The following KALRN variants were observed in gnomAD, a reference collection of about 807,000 sequenced individuals.
The protein encoded by KALRN is kalirin.
A neutral mutation model predicts 353.7 loss-of-function variants in KALRN; 70 were observed. The ratio of observed to expected loss-of-function variants is 0.20; its 90% confidence interval spans 0.16 to 0.24. The LOEUF (loss-of-function observed/expected upper bound fraction) is 0.24. Ranked by LOEUF, KALRN falls within the 10% of genes least tolerant of loss-of-function variation. KALRN has a pLI of 1.00. For missense variants in KALRN, 2,791 were observed against 3,756.7 expected, an observed-to-expected ratio of 0.74 and a Z score of 6.72; for synonymous variants, 1,391 against 1,434.8, an observed-to-expected ratio of 0.97 and a Z score of 0.69.
intron 1 of KALRN, among the ~76,000 whole-genome samples, chr3:124,047,679 A>G (rs909419880): frequency 7.6e-6 from 1 of 131,920 alleles, no homozygotes; most frequent in Non-Finnish European, 1.7e-5. Flanking sequence ...ATTTTTTTTT[A>G]TTTTTAGTAG....
chr3:124,705,536 C>T (rs918228957), intron 57 of KALRN, among the ~76,000 whole-genome samples: 15 of 152,034 alleles, frequency 9.9e-5, no homozygotes, highest in Admixed American at 7.2e-4. Context: ...AGGAGCATCA[C>T]GTACCTCTGG....
intron 23 of KALRN, among the ~76,000 whole-genome samples, chr3:124,458,080 G>A (rs556229809): frequency 3.3e-5 from 5 of 151,846 alleles, no homozygotes; most frequent in Admixed American, 2.0e-4. Flanking sequence ...GTTCGAGACC[G>A]GCCTGGCCAA....
chr3:124,385,079 G>T (rs766019862), intron 11 of KALRN, 43 bp downstream of exon 11: 2 of 1,516,620 alleles, frequency 1.3e-6, no homozygotes, highest in South Asian at 2.7e-5. Context: ...TCCTGCCAGG[G>T]TCAGGTCGGC....
At chr3:124,636,592 G>A (rs2081373140) in intron 36 of KALRN, among the ~76,000 whole-genome samples, 1 of 152,180 alleles carries the variant, frequency 6.6e-6, no homozygotes, top group African/African-American at 2.4e-5. Context: ...GCTATGCTTT[G>A]TGGAGGGGTA....
intron 38 of KALRN, among the ~76,000 whole-genome samples, chr3:124,654,265 C>G (rs2059989308): frequency 1.3e-5 from 2 of 152,198 alleles, no homozygotes; most frequent in African/African-American, 4.8e-5. Flanking sequence ...GGAGAGGGAG[C>G]TGTTGGAAGT....
intron 5 of KALRN, among the ~76,000 whole-genome samples, chr3:124,278,174 G>GA (rs1344817488): frequency 6.6e-6 from 1 of 151,550 alleles, no homozygotes; most frequent in African/African-American, 2.4e-5. Flanking sequence ...GCAGTGCAGG[G>GA]AAAATCAGAG....
rs544865679 is a variant in KALRN, at chr3:124,664,360, T to C, written c.6346-2089T>C. 4.6e-3 allele frequency among the ~76,000 whole-genome samples: 566 copies of C among 123,874 alleles called. 2 individuals carry two copies. The highest frequency in any genetic ancestry group is 5.4e-3 in the Admixed American group (65 of 11,988). The allele number at this position is 123,874 out of a possible 152,430, so 81.3% of individuals were successfully genotyped here. On this transcript the variant is annotated intron_variant, in intron 45 of 59. Transcript: ENST00000682506. ...GTGTGTGTGTGTGTGTGTGTGTGTG[T>C]GTGTGTGTGTGCGCGCGCGCGCATA...
In KALRN at chr3:124,563,038, T is replaced by C; in HGVS notation, c.5131T>C (p.Ser1711Pro). 7.3e-7 allele frequency: 1 copy of C among 1,367,856 alleles called. No individual in the cohort carries two copies. Among genetic ancestry groups the C allele is most frequent in the Non-Finnish European group, 9.8e-7 (1 of 1,022,002 alleles). 84.7% of individuals were successfully genotyped at this position (1,367,856 alleles called of 1,614,324 possible). ...GLVPSSALCI[S>P]HSRSSVEMDC... Reference sequence around the variant, plus strand: ...GGTCCCCAGCAGCGCCCTGTGCATCTCACACTCCCGAAGCAGCGTGGAGAT... The same window carrying C: ...GGTCCCCAGCAGCGCCCTGTGCATCCCACACTCCCGAAGCAGCGTGGAGAT... The change falls in exon 34 of 60, where the codon TCA (serine) becomes CCA (proline). Residue 1711 changes from serine (S) to proline (P), a missense_variant. Around this residue, in one of 11 missense-constraint regions of KALRN, gnomAD observed 239 missense variants for 351.3 expected, o/e 0.68. Transcript: ENST00000682506.
intron 1 of KALRN, among the ~76,000 whole-genome samples, chr3:124,188,442 T>C (rs549122878): frequency 3.9e-5 from 6 of 152,324 alleles, no homozygotes; most frequent in African/African-American, 1.4e-4. Context: ...CAAAAGCTGC[T>C]ATCATTAATA....
intron 1 of KALRN, among the ~76,000 whole-genome samples, chr3:124,038,442 G>C (rs2039631363): frequency 6.6e-6 from 1 of 152,180 alleles, no homozygotes; most frequent in Non-Finnish European, 1.5e-5. Context: ...GTCACAGCAG[G>C]TTTGGAGGTG....
At chr3:124,569,395 G>A (rs545516108) in intron 34 of KALRN, among the ~76,000 whole-genome samples, 23 of 152,264 alleles carry the variant, frequency 1.5e-4, no homozygotes, top group African/African-American at 2.6e-4. Flanking sequence ...TGAGAATGCC[G>A]GGCAAGTTTG....
intron 1 of KALRN, among the ~76,000 whole-genome samples, chr3:124,061,525 C>T (rs114024637): frequency 0.027 from 4,050 of 152,240 alleles, 71 homozygotes; most frequent in Middle Eastern, 0.068. Flanking sequence ...TGCTTTGTTT[C>T]CTAATTCCAA....
intron 1 of KALRN, among the ~76,000 whole-genome samples, chr3:124,062,246 A>C (rs1356012917): frequency 6.6e-6 from 1 of 152,144 alleles, no homozygotes; most frequent in African/African-American, 2.4e-5. Context: ...TTTGAGCTTC[A>C]GTTTTTCTTC....
intron 57 of KALRN, among the ~76,000 whole-genome samples, chr3:124,706,192 C>T (rs984229760): frequency 5.9e-5 from 9 of 152,232 alleles, no homozygotes; most frequent in Admixed American, 1.3e-4. Flanking sequence ...CAGGCATAAT[C>T]CACCGTGCCT....
intron 33 of KALRN, among the ~76,000 whole-genome samples, chr3:124,500,710 G>A (rs2064417297): frequency 6.6e-6 from 1 of 152,242 alleles, no homozygotes; most frequent in Non-Finnish European, 1.5e-5. Flanking sequence ...TAATGCAAAA[G>A]TGGTAGTTCC....
chr3:124,190,576 G>C (rs1426339319), intron 1 of KALRN, among the ~76,000 whole-genome samples: 1 of 152,202 alleles, frequency 6.6e-6, no homozygotes, highest in Non-Finnish European at 1.5e-5. Flanking sequence ...GCAGAGCACA[G>C]TGAAGATGAC....
rs764702445 is a variant in KALRN, at chr3:124,674,532, G to A, written c.7111G>A (p.Ala2371Thr). Residue 2371 changes from alanine (A) to threonine (T), a missense_variant, in exon 49 of 60, where the codon GCC becomes ACC. Physicochemically the swap from Ala to Thr is moderately conservative, Grantham distance 58 (BLOSUM62 0). Coordinates refer to ENST00000682506, the MANE Select transcript of KALRN (RefSeq NM_001388419.1). The part of the protein sequence containing the change: ...VYQPASDHSP[A>T]AEGWVPGSIL... ...CCAGCCTGCCAGCGACCATTCCCCC[G>A]CCGCCGAGGGCTGGGTCCCAGGCAG... 1.2e-5 allele frequency: 19 copies of A among 1,613,422 alleles called. No homozygotes were observed. Among genetic ancestry groups the A allele is most frequent in the South Asian group, 8.8e-5 (8 of 90,918 alleles).
chr3:124,074,477 C>T (rs1238080394), intron 1 of KALRN, among the ~76,000 whole-genome samples: 1 of 152,196 alleles, frequency 6.6e-6, no homozygotes, highest in Non-Finnish European at 1.5e-5. Flanking sequence ...GTTTTCCAGG[C>T]ATACGTAAGT....
At position 124,298,959 on chromosome 3, in the gene KALRN, G is replaced by A. The variant is rs1164409204; in HGVS notation, c.1092+46G>A. 3.1e-6 allele frequency: 5 copies of A among 1,611,454 alleles called. No individual in the cohort carries two copies. The East Asian group carries it at 6.7e-5, about 22-fold the overall frequency. On this transcript the variant is annotated intron_variant, in intron 6 of 59. Transcript: ENST00000682506. ...CAGCACTGCCTCTGGGAGTGGGAGA[G>A]TGGGGAGAAGTGGGAGGAGGGACAG...
Sources: gnomAD v4.1 joint callset for allele counts (sites outside exome capture counted in the v4.1 genomes callset) on GRCh38, gnomAD v4.1.1 for gene constraint, gnomAD v4.1.1 regional missense constraint, MANE v1.5 for transcripts, NCBI Gene and HGNC (gene_info 2026-07-23, HGNC 2026-07-21) for gene names.